CYP7B1: variants seen among roughly 807,000 people sequenced by gnomAD.
CYP7B1 encodes the protein cytochrome P450 7B1.
Under a neutral mutation model 42.7 loss-of-function variants are expected in CYP7B1, and 29 were observed. The ratio of observed to expected loss-of-function variants is 0.68; its 90% confidence interval spans 0.51 to 0.93. CYP7B1 has a LOEUF of 0.93. Among genes scored for constraint, CYP7B1 ranks in the 40% least tolerant of loss-of-function variants. CYP7B1 has a pLI of 0.00. For synonymous variants in CYP7B1, 235 were observed against 218.2 expected (o/e 1.08, Z -0.68); for missense variants, 655 against 600.5 (o/e 1.09, Z -0.95).
chr8:64,755,881 T>A (rs1807800645), intron 1 of CYP7B1, among the ~76,000 whole-genome samples: 1 of 152,214 alleles, frequency 6.6e-6, no homozygotes, highest in Admixed American at 6.5e-5. Context: ...TTAATTGGAA[T>A]TCTAAGTTAG....
chr8:64,652,446 G>A (rs959846268), intron 1 of CYP7B1, among the ~76,000 whole-genome samples: 9 of 152,140 alleles, frequency 5.9e-5, no homozygotes, highest in African/African-American at 2.2e-4. Context: ...CTCACCAAAT[G>A]TGAAAGAACT....
intron 1 of CYP7B1, among the ~76,000 whole-genome samples, chr8:64,772,101 G>A (rs560036255): frequency 3.3e-5 from 5 of 152,144 alleles, no homozygotes; most frequent in Non-Finnish European, 7.3e-5. Context: ...AATTTTTACA[G>A]ACTCTCAGCA....
intron 1 of CYP7B1, among the ~76,000 whole-genome samples, chr8:64,683,473 G>A (rs927184316): frequency 3.3e-5 from 5 of 152,158 alleles, no homozygotes; most frequent in Admixed American, 3.3e-4. Flanking sequence ...GGGGAAGATG[G>A]TTAATGGGTA....
chr8:64,651,124 T>G lies in CYP7B1; in HGVS notation c.123-26585A>C, dbSNP rs959529336. Among the ~76,000 whole-genome samples, 6 of 152,262 alleles carry G rather than the reference T, an allele frequency of 3.9e-5. No homozygotes were observed. In the East Asian group the frequency reaches 1.2e-3, roughly 29 times the overall value. On this transcript the variant is annotated intron_variant, in intron 1 of 5. Transcript: ENST00000310193. ...TGGAAAAATACTACTTGGAGAATGT[T>G]TTAGGGGTTGCTTAATGTTACCAAA... is the stretch of plus-strand genomic sequence containing the variant.
intron 1 of CYP7B1, among the ~76,000 whole-genome samples, chr8:64,678,885 G>A (rs1806492525): frequency 6.6e-6 from 1 of 151,156 alleles, no homozygotes; most frequent in Non-Finnish European, 1.5e-5. Flanking sequence ...TCAATGCTGT[G>A]TGTGTGTGTG....
chr8:64,789,922 G>T (rs1252930014), intron 1 of CYP7B1, among the ~76,000 whole-genome samples: 4 of 152,156 alleles, frequency 2.6e-5, no homozygotes, highest in African/African-American at 9.7e-5. Flanking sequence ...ACTCAGAAGA[G>T]GAAGCCTCAG....
In CYP7B1 at chr8:64,592,943, T is replaced by G. The variant is rs1289454850; in HGVS notation, c.*3699A>C. ...TTTAAGACTGTCACAAGATTCTCAATGTTTTGTTTTGGTTCTACTATTCAT... is the reference window on the plus strand; with the variant it reads ...TTTAAGACTGTCACAAGATTCTCAAGGTTTTGTTTTGGTTCTACTATTCAT... On this transcript the variant is annotated 3_prime_UTR_variant, in exon 6 of 6. Coordinates refer to ENST00000310193, the MANE Select transcript of CYP7B1 (RefSeq NM_004820.5). 2.0e-5 allele frequency among the ~76,000 whole-genome samples: 3 copies of G among 152,196 alleles called. No homozygotes were observed. Among genetic ancestry groups the G allele is most frequent in the Admixed American group, 2.0e-4 (3 of 15,288 alleles).
chr8:64,765,193 T>C (rs1042148611), intron 1 of CYP7B1, among the ~76,000 whole-genome samples: 4 of 152,176 alleles, frequency 2.6e-5, no homozygotes, highest in Admixed American at 6.5e-5. Context: ...CAAAGGATAA[T>C]TGAAATCCTA....
At chr8:64,795,970 T>A (rs566655505) in intron 1 of CYP7B1, among the ~76,000 whole-genome samples, 10 of 152,346 alleles carry the variant, frequency 6.6e-5, no homozygotes, top group African/African-American at 2.2e-4. Flanking sequence ...TTGTTAAAAA[T>A]TTTTTTACCA....
At chr8:64,688,853 G>A (rs1201876543) in intron 1 of CYP7B1, among the ~76,000 whole-genome samples, 3 of 152,198 alleles carry the variant, frequency 2.0e-5, no homozygotes, top group African/African-American at 4.8e-5. Context: ...CTCAACCTGG[G>A]AGATGGAGGC....
Position 64,614,920 on chromosome 8 carries a change from C to CA in CYP7B1, c.1057+105dup, listed in dbSNP as rs1805410711. The stretch of plus-strand genomic sequence containing the variant: ...TTGATGTAAATGGGTGTTATTATGT[C>CA]AATTAGGCAGCTGTGTCCTCTACCT... On this transcript the variant is annotated intron_variant, in intron 4 of 5. Coordinates refer to ENST00000310193, the MANE Select transcript of CYP7B1 (RefSeq NM_004820.5). 11 of 1,039,814 alleles carry CA rather than the reference C, an allele frequency of 1.1e-5. 1 individual carries two copies. The South Asian group carries it at 1.5e-4, about 14-fold the overall frequency. 64.4% of individuals were successfully genotyped at this position (1,039,814 alleles called of 1,614,324 possible).
At chr8:64,622,552 G>C (rs1805547254) in intron 2 of CYP7B1, among the ~76,000 whole-genome samples, 1 of 152,158 alleles carries the variant, frequency 6.6e-6, no homozygotes, top group Non-Finnish European at 1.5e-5. Flanking sequence ...TAGTTAGGAG[G>C]GCTCTGGGAG....
intron 1 of CYP7B1, among the ~76,000 whole-genome samples, chr8:64,670,724 G>A (rs908473058): frequency 2.6e-5 from 4 of 152,196 alleles, no homozygotes; most frequent in African/African-American, 9.6e-5. Context: ...AGAGGGCAAC[G>A]AGAAAGCCGC....
intron 1 of CYP7B1, among the ~76,000 whole-genome samples, chr8:64,689,972 G>A (rs1443161926): frequency 6.6e-6 from 1 of 152,144 alleles, no homozygotes; most frequent in East Asian, 1.9e-4. Context: ...TAAATAAGGA[G>A]AAATATGTCT....
chr8:64,602,178 A>T (rs1161682756), intron 5 of CYP7B1, among the ~76,000 whole-genome samples: 1 of 152,222 alleles, frequency 6.6e-6, no homozygotes, highest in African/African-American at 2.4e-5. Flanking sequence ...GGACAAGTAA[A>T]TAAATAATTG....
In CYP7B1 at chr8:64,681,820, T is replaced by C. The variant is rs192337185; in HGVS notation, c.123-57281A>G. On this transcript the variant is annotated intron_variant, in intron 1 of 5. Coordinates refer to ENST00000310193, the MANE Select transcript of CYP7B1 (RefSeq NM_004820.5). ...ACCACCCAGCTCAGCCTTTCCCAGA[T>C]TCTCGGACCTCAGAAACTATGAGAT... Among the ~76,000 whole-genome samples the C allele has an allele frequency of 3.0e-4, 45 of 152,302 alleles. No homozygotes were observed. The East Asian group carries it at 8.3e-3, about 28-fold the overall frequency.
intron 1 of CYP7B1, among the ~76,000 whole-genome samples, chr8:64,639,807 T>C (rs1185316295): frequency 6.6e-6 from 1 of 152,172 alleles, no homozygotes; most frequent in Non-Finnish European, 1.5e-5. Context: ...AAGACTTATA[T>C]GTGAATGTTC....
downstream of CYP7B1, among the ~76,000 whole-genome samples, chr8:64,586,576 C>T (rs1804971543): frequency 6.6e-6 from 1 of 152,156 alleles, no homozygotes; most frequent in African/African-American, 2.4e-5. Context: ...GAATCCTGGT[C>T]AGGTGAGACT....
intron 4 of CYP7B1, among the ~76,000 whole-genome samples, chr8:64,605,377 C>T (rs1231534180): frequency 2.6e-5 from 4 of 152,118 alleles, no homozygotes; most frequent in African/African-American, 4.8e-5. Context: ...TGTGAGTCAA[C>T]ATTTGCTGGA....
Sources: gnomAD v4.1 joint callset for allele counts (sites outside exome capture counted in the v4.1 genomes callset) on GRCh38, gnomAD v4.1.1 for gene constraint, MANE v1.5 for transcripts, NCBI Gene and HGNC (gene_info 2026-07-23, HGNC 2026-07-21) for gene names.